The following AUTS2 variants were observed in gnomAD, a reference collection of about 807,000 sequenced individuals.
AUTS2 encodes autism susceptibility gene 2 protein.
Under a neutral mutation model 112.4 loss-of-function variants are expected in AUTS2, and 17 were observed. That is an observed-to-expected ratio of 0.15 (90% confidence interval 0.10 to 0.23). The LOEUF (loss-of-function observed/expected upper bound fraction) is 0.23. Among genes scored for constraint, AUTS2 ranks in the 10% least tolerant of loss-of-function variants. AUTS2 has a pLI of 1.00. For missense variants in AUTS2, 1,510 were observed against 1,701.6 expected (o/e 0.89, Z 1.98); for synonymous variants, 751 against 702.7 (o/e 1.07, Z -1.09).
chr7:70,192,939 T>A (rs1263396703), intron 4 of AUTS2, among the ~76,000 whole-genome samples: 1 of 152,208 alleles, frequency 6.6e-6, no homozygotes, highest in Non-Finnish European at 1.5e-5. Context: ...AAAGCAAGCA[T>A]GACTAGAACC....
chr7:70,161,775 C>T (rs1295695350), intron 4 of AUTS2, among the ~76,000 whole-genome samples: 2 of 152,104 alleles, frequency 1.3e-5, no homozygotes, highest in South Asian at 2.1e-4. Context: ...TATAGCCCAG[C>T]TTAAGCCCCA....
intron 2 of AUTS2, among the ~76,000 whole-genome samples, chr7:70,056,552 T>A (rs1160073541): frequency 6.6e-6 from 1 of 152,214 alleles, no homozygotes; most frequent in Non-Finnish European, 1.5e-5. Context: ...AGCTGATAAG[T>A]GCTCAATGAA....
intron 5 of AUTS2, among the ~76,000 whole-genome samples, chr7:70,560,130 G>C (rs1415250174): frequency 6.6e-6 from 1 of 152,138 alleles, no homozygotes; most frequent in Non-Finnish European, 1.5e-5. Context: ...TATATAGATG[G>C]TCGCTTGGCT....
intron 5 of AUTS2, among the ~76,000 whole-genome samples, chr7:70,678,737 T>G (rs1808056354): frequency 6.6e-6 from 1 of 152,218 alleles, no homozygotes; most frequent in Non-Finnish European, 1.5e-5. Flanking sequence ...AAGCAGGCCT[T>G]CCTTTTTCCC....
At chr7:70,501,249 C>T (rs957412614) in intron 5 of AUTS2, among the ~76,000 whole-genome samples, 6 of 152,242 alleles carry the variant, frequency 3.9e-5, no homozygotes, top group Non-Finnish European at 7.4e-5. Context: ...CTCTGGGGGG[C>T]ACATGATCAG....
At chr7:70,477,110 A>G (rs1797611921) in intron 5 of AUTS2, among the ~76,000 whole-genome samples, 1 of 152,126 alleles carries the variant, frequency 6.6e-6, no homozygotes, top group South Asian at 2.1e-4. Flanking sequence ...ACCTCCCAAC[A>G]CCTTTGGACA....
intron 1 of AUTS2, among the ~76,000 whole-genome samples, chr7:69,810,119 G>C (rs776118158): frequency 6.6e-6 from 1 of 152,144 alleles, no homozygotes; most frequent in Non-Finnish European, 1.5e-5. Flanking sequence ...CCAGCGTCCA[G>C]GCACTCTCCA....
chr7:69,959,622 T>C lies in AUTS2; in HGVS notation c.522+60124T>C, dbSNP rs77563918. On this transcript the variant is annotated intron_variant, in intron 2 of 18. Transcript: ENST00000342771. ...ATGACCTTCCACATCATACTGTCACTGCATCTCAGGAGTCTGTTTCTTGGA... is the reference window on the plus strand; with the variant it reads ...ATGACCTTCCACATCATACTGTCACCGCATCTCAGGAGTCTGTTTCTTGGA... Among the ~76,000 whole-genome samples the C allele has an allele frequency of 5.1e-3, 774 of 152,262 alleles. 13 individuals carry two copies. Among genetic ancestry groups the C allele is most frequent in the African/African-American group, 0.017 (724 of 41,552 alleles).
At chr7:69,829,859 C>T (rs577896138) in intron 1 of AUTS2, among the ~76,000 whole-genome samples, 3 of 152,194 alleles carry the variant, frequency 2.0e-5, no homozygotes, top group East Asian at 3.9e-4. Flanking sequence ...CCAGAAATGC[C>T]ATTTGACCCA....
At chr7:70,308,664 T>C (rs930871604) in intron 4 of AUTS2, among the ~76,000 whole-genome samples, 16 of 152,226 alleles carry the variant, frequency 1.1e-4, no homozygotes, top group African/African-American at 3.6e-4. Context: ...GCTTAACATA[T>C]AGTAAGTGCT....
intron 6 of AUTS2, among the ~76,000 whole-genome samples, chr7:70,761,133 T>C (rs1030881223): frequency 4.6e-5 from 7 of 152,190 alleles, no homozygotes; most frequent in Admixed American, 4.6e-4. Context: ...AGTGTGTATA[T>C]ACAACAGTAC....
chr7:70,193,871 C>G (rs1810033199), intron 4 of AUTS2, among the ~76,000 whole-genome samples: 1 of 152,154 alleles, frequency 6.6e-6, no homozygotes, highest in African/African-American at 2.4e-5. Flanking sequence ...CTTTAATAAT[C>G]TTTTATTATT....
At chr7:70,177,281 T>A (rs2129580035) in intron 4 of AUTS2, among the ~76,000 whole-genome samples, 1 of 152,046 alleles carries the variant, frequency 6.6e-6, no homozygotes, top group East Asian at 1.9e-4. Flanking sequence ...GGAGGTACTG[T>A]TATTGACATC....
intron 5 of AUTS2, among the ~76,000 whole-genome samples, chr7:70,691,864 A>G (rs1422765624): frequency 7.3e-6 from 1 of 137,474 alleles, no homozygotes; most frequent in Non-Finnish European, 1.5e-5. Flanking sequence ...CCTGGTAACC[A>G]TTGATGACAA....
intron 4 of AUTS2, among the ~76,000 whole-genome samples, chr7:70,227,816 T>G (rs552431620): frequency 3.5e-4 from 53 of 152,260 alleles, no homozygotes; most frequent in African/African-American, 1.3e-3. Flanking sequence ...GTGATATTAG[T>G]CATTTTAAAT....
intron 3 of AUTS2, among the ~76,000 whole-genome samples, chr7:70,129,824 CA>C (rs1023231342): frequency 5.3e-5 from 8 of 151,920 alleles, no homozygotes; most frequent in African/African-American, 1.9e-4. Flanking sequence ...ATGCTTTTAT[CA>C]AGTTGTTGCT....
intron 4 of AUTS2, among the ~76,000 whole-genome samples, chr7:70,395,529 A>C (rs776877703): frequency 3.3e-5 from 5 of 152,198 alleles, no homozygotes; most frequent in Admixed American, 1.3e-4. Context: ...GAAATAAATG[A>C]ATTTTGTATT....
intron 2 of AUTS2, among the ~76,000 whole-genome samples, chr7:70,101,951 T>G (rs1183560795): frequency 6.6e-6 from 1 of 152,156 alleles, no homozygotes; most frequent in Non-Finnish European, 1.5e-5. Context: ...AAGTAAAATA[T>G]GTCCACCTGG....
intron 2 of AUTS2, among the ~76,000 whole-genome samples, chr7:69,941,926 AT>A (rs1348880612): frequency 7.9e-5 from 12 of 152,182 alleles, no homozygotes; most frequent in Admixed American, 3.9e-4. Flanking sequence ...ATTGTTGAAG[AT>A]TTATTGTACC....
Sources: gnomAD v4.1 joint callset for allele counts (sites outside exome capture counted in the v4.1 genomes callset) on GRCh38, gnomAD v4.1.1 for gene constraint, MANE v1.5 for transcripts, NCBI Gene and HGNC (gene_info 2026-07-23, HGNC 2026-07-21) for gene names.